Variants in DLEU7 observed in about 807,000 individuals in gnomAD.
DLEU7 encodes the protein leukemia-associated protein 7.
In DLEU7, 17 loss-of-function variants were observed where a neutral mutation model predicts 16.0. The ratio of observed to expected loss-of-function variants is 1.06; its 90% CI spans 0.73 to 1.59. The LOEUF (loss-of-function observed/expected upper bound fraction) is 1.59, where lower values mean the gene tolerates loss of function less well. DLEU7 is among the 40% of genes most tolerant of loss of function. The pLI is 0.00. For synonymous variants in DLEU7, 113 were observed against 139.8 expected, an observed-to-expected ratio of 0.81 and a Z score of 1.35; for missense variants, 308 against 314.9, an observed-to-expected ratio of 0.98 and a Z score of 0.17.
intron 1 of DLEU7, among the ~76,000 whole-genome samples, chr13:50,755,563 A>G (rs1874729344): frequency 6.6e-6 from 1 of 150,882 alleles, no homozygotes; most frequent in Non-Finnish European, 1.5e-5. Context: ...TTTTTATGCT[A>G]TCTATTTCCT....
chr13:50,767,237 T>C lies in DLEU7; in HGVS notation c.460-53997A>G, dbSNP rs530733945. On this transcript the variant is annotated intron_variant, in intron 1 of 1. Coordinates refer to the DLEU7 transcript ENST00000400393. Reference sequence around the variant, plus strand: ...TTGGGAGGCCGAGGCGGGCAGATCATGAGGTCAGGAGATCGAGACCATCCT... The same window carrying C: ...TTGGGAGGCCGAGGCGGGCAGATCACGAGGTCAGGAGATCGAGACCATCCT... Among the ~76,000 whole-genome samples the C allele has an allele frequency of 1.0e-3, 152 of 151,926 alleles. 1 individual carries two copies. The highest frequency in any genetic ancestry group is 3.6e-3 in the African/African-American group (149 of 41,462).
At chr13:50,839,844 A>T (rs997998101) in intron 1 of DLEU7, among the ~76,000 whole-genome samples, 3 of 152,240 alleles carry the variant, frequency 2.0e-5, no homozygotes, top group Non-Finnish European at 4.4e-5. Flanking sequence ...TTGGGAAGCC[A>T]CTGACTAAAT....
At chr13:50,738,362 T>G (rs190090887) in intron 1 of DLEU7, among the ~76,000 whole-genome samples, 3 of 152,296 alleles carry the variant, frequency 2.0e-5, no homozygotes, top group Admixed American at 2.0e-4. Context: ...AAGATATTTT[T>G]TGGGAGAGGA....
At chr13:50,784,557 T>C (rs1362125637) in intron 1 of DLEU7, among the ~76,000 whole-genome samples, 2 of 152,226 alleles carry the variant, frequency 1.3e-5, no homozygotes, top group East Asian at 1.9e-4. Flanking sequence ...CCACAGAGCA[T>C]GTCACACTCA....
intron 1 of DLEU7, among the ~76,000 whole-genome samples, chr13:50,731,829 G>A (rs912855440): frequency 8.5e-5 from 13 of 152,118 alleles, no homozygotes; most frequent in African/African-American, 3.1e-4. Context: ...CCTATTTTTT[G>A]AAACAGAAAA....
intron 1 of DLEU7, among the ~76,000 whole-genome samples, chr13:50,713,894 G>A (rs1255601086): frequency 6.6e-6 from 1 of 152,218 alleles, no homozygotes; most frequent in East Asian, 1.9e-4. Flanking sequence ...TTCCGCAGAT[G>A]TGAAAACGAC....
chr13:50,835,229 G>C (rs7318077), intron 1 of DLEU7, among the ~76,000 whole-genome samples: 84,437 of 151,940 alleles, frequency 0.56, 23,641 homozygotes, highest in African/African-American at 0.63. Flanking sequence ...ATCAGACTCG[G>C]CCCAGATCCC....
At chr13:50,808,886 A>C (rs986022414) in intron 1 of DLEU7, among the ~76,000 whole-genome samples, 1 of 151,484 alleles carries the variant, frequency 6.6e-6, no homozygotes, top group African/African-American at 2.4e-5. Flanking sequence ...AAAAAAAAAA[A>C]CTTAGAAAGG....
chr13:50,822,058 GCACACACACACACACACGCATGCA>G (rs1876924069), downstream of DLEU7, among the ~76,000 whole-genome samples: 1 of 149,772 alleles, frequency 6.7e-6, no homozygotes, highest in Admixed American at 6.7e-5. Context: ...ACACATGAGC[GCACACACACACACACACGCATGCA>G]CACAGACACA....
intron 1 of DLEU7, among the ~76,000 whole-genome samples, chr13:50,721,360 A>G (rs1853559): frequency 0.082 from 12,489 of 152,218 alleles, 572 homozygotes; most frequent in East Asian, 0.15. Context: ...ACAGCCTATC[A>G]TGGGATTTCA....
At chr13:50,822,886 A>G, downstream of DLEU7, 1 of 989,242 alleles carries the variant, frequency 1.0e-6, no homozygotes, top group Non-Finnish European at 1.2e-6. Flanking sequence ...CAATTATCAA[A>G]TATCTCATTC....
At chr13:50,752,052 C>CTTTTTTTTTT (rs200928092) in intron 1 of DLEU7, among the ~76,000 whole-genome samples, 14 of 135,744 alleles carry the variant, frequency 1.0e-4, no homozygotes, top group East Asian at 2.3e-4. Flanking sequence ...CTCTTTCAGT[C>CTTTTTTTTTT]TTTTTTTTTT....
chr13:50,755,220 A>T (rs1401599535), intron 1 of DLEU7, among the ~76,000 whole-genome samples: 2 of 152,118 alleles, frequency 1.3e-5, no homozygotes, highest in Non-Finnish European at 2.9e-5. Flanking sequence ...TGCTTCTTGT[A>T]TTTGAATGTC....
chr13:50,822,516 C>G (rs1397643462), downstream of DLEU7: 1 of 564,062 alleles, frequency 1.8e-6, no homozygotes, highest in African/African-American at 2.1e-5. Context: ...ATCACCTTCT[C>G]TCTTCCCGGC....
intron 1 of DLEU7, among the ~76,000 whole-genome samples, chr13:50,743,661 C>CA: frequency 6.6e-6 from 1 of 152,064 alleles, no homozygotes; most frequent in Non-Finnish European, 1.5e-5. Flanking sequence ...GTATTGAGAG[C>CA]AACTAAGAAT....
At chr13:50,785,503 G>T (rs1010055114) in intron 1 of DLEU7, among the ~76,000 whole-genome samples, 1 of 152,166 alleles carries the variant, frequency 6.6e-6, no homozygotes, top group Admixed American at 6.5e-5. Context: ...CTGAAAATTT[G>T]AGTGCTGAAT....
chr13:50,765,092 A>G (rs554637511), intron 1 of DLEU7, among the ~76,000 whole-genome samples: 1 of 152,268 alleles, frequency 6.6e-6, no homozygotes, highest in African/African-American at 2.4e-5. Flanking sequence ...CTTGTTGGCC[A>G]GGCTGGTCTC....
intron 1 of DLEU7, among the ~76,000 whole-genome samples, chr13:50,733,143 A>G (rs141677642): frequency 1.8e-4 from 28 of 152,330 alleles, no homozygotes; most frequent in Non-Finnish European, 3.5e-4. Flanking sequence ...ACTTGTCTGC[A>G]TATTAGAACC....
chr13:50,785,026 C>A (rs757718413), intron 1 of DLEU7, among the ~76,000 whole-genome samples: 1 of 152,184 alleles, frequency 6.6e-6, no homozygotes, highest in Non-Finnish European at 1.5e-5. Context: ...CCTCAGCTTA[C>A]GTCATGCCCT....
Sources: gnomAD v4.1 joint callset for allele counts (sites outside exome capture counted in the v4.1 genomes callset) on GRCh38, gnomAD v4.1.1 for gene constraint, MANE v1.5 for transcripts, NCBI Gene and HGNC (gene_info 2026-07-23, HGNC 2026-07-21) for gene names.